ZFAND3: variants seen among roughly 807,000 people sequenced by gnomAD.
The protein encoded by ZFAND3 is AN1-type zinc finger protein 3.
Under a neutral mutation model 29.6 loss-of-function variants are expected in ZFAND3, and 10 were observed. The ratio of observed to expected loss-of-function variants is 0.34; its 90% CI spans 0.21 to 0.57. The LOEUF (loss-of-function observed/expected upper bound fraction) is 0.57, where lower values mean the gene tolerates loss of function less well. Among genes scored for constraint, ZFAND3 ranks in the 20% least tolerant of loss-of-function variants. ZFAND3 has a pLI of 0.86. For synonymous variants in ZFAND3, 128 were observed against 112.6 expected (o/e 1.14, Z -0.87); for missense variants, 230 against 304.5 (o/e 0.76, Z 1.82).
chr6:37,978,304 G>A (rs1254266550), intron 2 of ZFAND3, among the ~76,000 whole-genome samples: 5 of 152,120 alleles, frequency 3.3e-5, no homozygotes, highest in African/African-American at 9.7e-5. Context: ...GATAAATTCC[G>A]TTTGGTTGTG....
chr6:37,881,493 G>A (rs1262680067), intron 1 of ZFAND3, among the ~76,000 whole-genome samples: 5 of 152,148 alleles, frequency 3.3e-5, no homozygotes, highest in Admixed American at 1.3e-4. Context: ...TTCTGCTTAG[G>A]CCAGCAGGAG....
chr6:37,970,905 A>AAAAC (rs757912841), intron 2 of ZFAND3, among the ~76,000 whole-genome samples: 2 of 149,746 alleles, frequency 1.3e-5, no homozygotes, highest in Non-Finnish European at 3.0e-5. Context: ...ACTCCGTCTC[A>AAAAC]AAACAAACAA....
intron 1 of ZFAND3, among the ~76,000 whole-genome samples, chr6:37,823,763 T>C (rs1763708546): frequency 6.6e-6 from 1 of 152,008 alleles, no homozygotes. Context: ...AAGTTGCAAG[T>C]TGTTTGTATT....
At chr6:38,076,244 G>T (rs1349396504) in intron 3 of ZFAND3, among the ~76,000 whole-genome samples, 1 of 152,014 alleles carries the variant, frequency 6.6e-6, no homozygotes, top group African/African-American at 2.4e-5. Context: ...TATGTACATT[G>T]TTTCTTGGAC....
At chr6:38,054,212 C>T (rs1360465495) in intron 2 of ZFAND3, among the ~76,000 whole-genome samples, 3 of 131,330 alleles carry the variant, frequency 2.3e-5, no homozygotes, top group African/African-American at 5.5e-5. Context: ...GAGACTCCAT[C>T]TCTATCAAAA....
chr6:38,082,671 G>A (rs969456446), intron 4 of ZFAND3, among the ~76,000 whole-genome samples: 8 of 152,092 alleles, frequency 5.3e-5, no homozygotes, highest in Non-Finnish European at 1.2e-4. Context: ...CTAGATCCAA[G>A]AAGGTGGACA....
chr6:37,839,881 C>T (rs1764041188), intron 1 of ZFAND3, among the ~76,000 whole-genome samples: 1 of 152,096 alleles, frequency 6.6e-6, no homozygotes, highest in Non-Finnish European at 1.5e-5. Context: ...AAATTTTTTT[C>T]CCATTTTGTA....
intron 2 of ZFAND3, among the ~76,000 whole-genome samples, chr6:38,000,735 C>T (rs1431742992): frequency 6.6e-6 from 1 of 152,088 alleles, no homozygotes; most frequent in Non-Finnish European, 1.5e-5. Flanking sequence ...CCTAATATAT[C>T]AATATTTAGA....
chr6:38,134,271 A>G (rs1453800986), intron 5 of ZFAND3, among the ~76,000 whole-genome samples: 1 of 152,136 alleles, frequency 6.6e-6, no homozygotes. Flanking sequence ...ATATCCTCAT[A>G]TTCCTTGAAA....
intron 1 of ZFAND3, among the ~76,000 whole-genome samples, chr6:37,884,310 A>G (rs1376272847): frequency 7.0e-6 from 1 of 143,708 alleles, no homozygotes; most frequent in African/African-American, 2.9e-5. Context: ...CCTGGCCAAC[A>G]CAGAGAAACC....
Position 38,066,715 on chromosome 6 carries a change from A to G in ZFAND3, c.295+4940A>G, listed in dbSNP as rs78836275. On this transcript the variant is annotated intron_variant, in intron 3 of 5. Coordinates refer to ENST00000287218, the MANE Select transcript of ZFAND3 (RefSeq NM_021943.3). The stretch of plus-strand genomic sequence containing the variant: ...ATGAACTTGAACTATGAACATATCA[A>G]CAGAAAGTGGTGAGAGTCTGGGTAC... Among the ~76,000 whole-genome samples the G allele has an allele frequency of 9.2e-5, 14 of 152,338 alleles. No individual in the cohort carries two copies. In the East Asian group the frequency reaches 2.3e-3, roughly 25 times the overall value.
At chr6:37,824,723 T>C (rs563120657) in intron 1 of ZFAND3, among the ~76,000 whole-genome samples, 1 of 152,246 alleles carries the variant, frequency 6.6e-6, no homozygotes, top group Non-Finnish European at 1.5e-5. Context: ...AAGAAGCTCT[T>C]CTAACAAGTC....
chr6:37,859,988 C>T (rs1428680723), intron 1 of ZFAND3, among the ~76,000 whole-genome samples: 1 of 150,502 alleles, frequency 6.6e-6, no homozygotes, highest in Non-Finnish European at 1.5e-5. Context: ...TCTCCTGCCT[C>T]AGCCTCCTAA....
chr6:37,846,068 T>G (rs1365152629), intron 1 of ZFAND3, among the ~76,000 whole-genome samples: 1 of 152,200 alleles, frequency 6.6e-6, no homozygotes, highest in Non-Finnish European at 1.5e-5. Flanking sequence ...GTACAGCTTT[T>G]CCTGATCCCA....
At chr6:37,938,333 AC>A (rs1209280427) in intron 2 of ZFAND3, among the ~76,000 whole-genome samples, 8 of 152,136 alleles carry the variant, frequency 5.3e-5, no homozygotes, top group Non-Finnish European at 1.2e-4. Context: ...TACTAATAGT[AC>A]CTCTTTGTAC....
In ZFAND3 at chr6:38,114,975, G is replaced by A. The variant is rs1012073613; in HGVS notation, c.362-1597G>A. 1.1e-4 allele frequency among the ~76,000 whole-genome samples: 16 copies of A among 152,190 alleles called. No individual in the cohort carries two copies. The South Asian group carries it at 2.9e-3, about 28-fold the overall frequency. On this transcript the variant is annotated intron_variant, in intron 4 of 5. Coordinates refer to ENST00000287218, the MANE Select transcript of ZFAND3 (RefSeq NM_021943.3). ...GTGGAGGAATAAAAGGGAAACAGAC[G>A]AGGGGAAGTGCTAAGAATAGGGATT...
At chr6:37,927,000 G>A (rs1330322766) in intron 1 of ZFAND3, among the ~76,000 whole-genome samples, 1 of 152,142 alleles carries the variant, frequency 6.6e-6, no homozygotes, top group African/African-American at 2.4e-5. Context: ...GGTAGCCAAA[G>A]TCTGGTTTAT....
intron 1 of ZFAND3, among the ~76,000 whole-genome samples, chr6:37,851,683 A>G (rs1380331839): frequency 6.6e-6 from 1 of 152,236 alleles, no homozygotes; most frequent in Non-Finnish European, 1.5e-5. Context: ...TCAAGAATGA[A>G]AGGCAGTATA....
intron 1 of ZFAND3, among the ~76,000 whole-genome samples, chr6:37,876,328 C>T (rs957490172): frequency 1.3e-4 from 20 of 152,142 alleles, no homozygotes; most frequent in African/African-American, 4.8e-4. Flanking sequence ...TTAATTATTT[C>T]CTGTTAAGTA....
Sources: allele counts gnomAD v4.1 joint callset (sites outside exome capture counted in the v4.1 genomes callset), GRCh38; gene constraint gnomAD v4.1.1; transcripts MANE v1.5; gene names NCBI Gene and HGNC (gene_info 2026-07-23, HGNC 2026-07-21).